Variants in ACSL3 observed in about 807,000 individuals in gnomAD.
ACSL3 encodes acyl-CoA synthetase long chain family member 3, also known as fatty acid CoA ligase Acsl3.
ACSL3 carries 34 observed loss-of-function variants against 84.7 expected under a neutral mutation model. The observed-to-expected ratio is 0.40, with a 90% CI of 0.31 to 0.53. The LOEUF (loss-of-function observed/expected upper bound fraction) is 0.53, where lower values mean the gene tolerates loss of function less well. Among genes scored for constraint, ACSL3 ranks in the 20% least tolerant of loss-of-function variants. The probability of loss-of-function intolerance (pLI) is 0.48; values close to 1 mark genes in which losing one functional copy is unlikely to be tolerated. For synonymous variants in ACSL3, 315 were observed against 299.4 expected, an observed-to-expected ratio of 1.05 and a Z score of -0.54; for missense variants, 680 against 873.1, an observed-to-expected ratio of 0.78 and a Z score of 2.79.
intron 1 of ACSL3, among the ~76,000 whole-genome samples, chr2:222,865,050 A>G (rs774196988): frequency 2.0e-5 from 3 of 152,186 alleles, no homozygotes; most frequent in Non-Finnish European, 4.4e-5. Flanking sequence ...ATATATTTTC[A>G]TCTGACTTTT....
At chr2:222,887,745 T>C (rs1033539890) in intron 1 of ACSL3, 85 bp from the exon 2 acceptor site, 1 of 152,194 alleles carries the variant, frequency 6.6e-6, no homozygotes, top group Non-Finnish European at 1.5e-5. Context: ...AGAAGTAAAA[T>C]AGTTCCAGGA....
At chr2:222,941,046 C>T (rs578084281) in intron 16 of ACSL3, among the ~76,000 whole-genome samples, 2 of 152,120 alleles carry the variant, frequency 1.3e-5, no homozygotes, top group Admixed American at 6.5e-5. Context: ...GTACTACAAG[C>T]GTATGCCACT....
At chr2:222,881,881 G>A (rs1311030277) in intron 1 of ACSL3, among the ~76,000 whole-genome samples, 3 of 152,192 alleles carry the variant, frequency 2.0e-5, no homozygotes, top group Admixed American at 2.0e-4. Flanking sequence ...GTTAAATATA[G>A]AGGATGGTAG....
At chr2:222,883,349 T>C (rs1436226921) in intron 1 of ACSL3, among the ~76,000 whole-genome samples, 1 of 152,018 alleles carries the variant, frequency 6.6e-6, no homozygotes, top group African/African-American at 2.4e-5. Flanking sequence ...TATGCCTGGC[T>C]AATTTTGTAT....
chr2:222,883,397 G>A (rs1008682000), intron 1 of ACSL3, among the ~76,000 whole-genome samples: 2 of 151,496 alleles, frequency 1.3e-5, no homozygotes, highest in Admixed American at 6.6e-5. Flanking sequence ...TGGTCATGCT[G>A]GTCTCGAACT....
intron 1 of ACSL3, among the ~76,000 whole-genome samples, chr2:222,885,852 C>T (rs1282382728): frequency 3.3e-5 from 5 of 152,012 alleles, no homozygotes; most frequent in Non-Finnish European, 5.9e-5. Flanking sequence ...AAGTGATTCT[C>T]CTGCCTCAGC....
At chr2:222,908,444 C>G (rs569263162) in intron 3 of ACSL3, among the ~76,000 whole-genome samples, 9 of 152,280 alleles carry the variant, frequency 5.9e-5, no homozygotes, top group Non-Finnish European at 1.2e-4. Context: ...TTCCCCCAAC[C>G]CTCTTTCTGA....
At chr2:222,866,256 C>G (rs1695136034) in intron 1 of ACSL3, among the ~76,000 whole-genome samples, 1 of 152,146 alleles carries the variant, frequency 6.6e-6, no homozygotes, top group African/African-American at 2.4e-5. Flanking sequence ...CGCCATTCTC[C>G]TGCCTCAGCC....
At chr2:222,872,013 A>G (rs1479193293) in intron 1 of ACSL3, among the ~76,000 whole-genome samples, 1 of 152,152 alleles carries the variant, frequency 6.6e-6, no homozygotes, top group Non-Finnish European at 1.5e-5. Context: ...AAAAAGATGT[A>G]TAATTCTAGG....
In ACSL3 at chr2:222,919,071, T is replaced by G. The variant is rs753763561; in HGVS notation, c.674T>G (p.Val225Gly). Residue 225 changes from valine (V) to glycine (G), a missense_variant, in exon 7 of 17, where the codon GTT becomes GGT. Val to Gly is a moderately radical substitution (Grantham distance 109). Around this residue, in one of 2 missense-constraint regions of ACSL3, gnomAD observed 333 missense variants for 347.5 expected, o/e 0.96. Transcript: ENST00000357430. ...ELLQTKLKDI[V>G]SLVPRLRHII... ...ATGTTGGTGTATTTCTAGGATATAG[T>G]TTCTTTGGTCCCACGCCTGCGGCAC... 5.0e-6 allele frequency: 8 copies of G among 1,613,430 alleles called. No homozygotes were observed. Among genetic ancestry groups the G allele is most frequent in the Non-Finnish European group, 5.9e-6 (7 of 1,179,750 alleles).
rs192016345 is a variant in ACSL3 at position 222,928,665 on chromosome 2, A to C, written c.1466-197A>C. 1.1e-3 allele frequency among the ~76,000 whole-genome samples: 174 copies of C among 152,162 alleles called. 2 individuals carry two copies. The East Asian group carries it at 0.023, about 20-fold the overall frequency. On this transcript the variant is annotated intron_variant, in intron 12 of 16. Transcript: ENST00000357430. ...CAATAACTAATTTAAAAAAAAAAAA[A>C]AAACCTCAATGTAGGCCAAAAAATA...
intron 3 of ACSL3, among the ~76,000 whole-genome samples, chr2:222,904,359 A>T (rs1031143780): frequency 6.6e-6 from 1 of 152,166 alleles, no homozygotes; most frequent in Non-Finnish European, 1.5e-5. Flanking sequence ...CTCCATTTCA[A>T]CCTTGGAGGC....
In ACSL3 at chr2:222,927,170, G is replaced by T; in HGVS notation, c.1446G>T (p.Gly482=). The change falls in exon 12 of 17, where the codon GGG becomes GGT. Residue 482 remains glycine (G), a synonymous_variant. Transcript: ENST00000357430. ...GATACGGGCTCACTGAATCTGCTGG[G>T]GCTGGAACAATTTCCGAAGGTAGTG... ...GQGYGLTESA[G]AGTISEVWDY... 6.2e-7 allele frequency: 1 copy of T among 1,613,568 alleles called. No homozygotes were observed.
intron 16 of ACSL3, among the ~76,000 whole-genome samples, chr2:222,940,293 A>G (rs1697268803): frequency 6.6e-6 from 1 of 152,184 alleles, no homozygotes. Flanking sequence ...TAATTTCTGA[A>G]GTAAATGTGC....
At chr2:222,919,303 T>A in intron 7 of ACSL3, 101 bp downstream of exon 7, 1 of 1,409,234 alleles carries the variant, frequency 7.1e-7, no homozygotes. Context: ...AAATGACACA[T>A]CAGTTTTCTA....
At chr2:222,875,427 C>A (rs1307059092) in intron 1 of ACSL3, among the ~76,000 whole-genome samples, 1 of 151,970 alleles carries the variant, frequency 6.6e-6, no homozygotes, top group Non-Finnish European at 1.5e-5. Flanking sequence ...CTGTGTAGTG[C>A]CAGTTGAAAT....
intron 2 of ACSL3, among the ~76,000 whole-genome samples, chr2:222,899,482 T>C (rs1696079900): frequency 6.6e-6 from 1 of 151,536 alleles, no homozygotes; most frequent in African/African-American, 2.4e-5. Flanking sequence ...CAAAAAAGAA[T>C]AAAAAAATAA....
intron 1 of ACSL3, among the ~76,000 whole-genome samples, chr2:222,878,678 T>C (rs896133389): frequency 2.0e-5 from 3 of 152,250 alleles, no homozygotes; most frequent in Non-Finnish European, 4.4e-5. Flanking sequence ...TCTAACAATA[T>C]AGTGAATCTC....
At chr2:222,900,332 A>G (rs1006336271) in intron 2 of ACSL3, among the ~76,000 whole-genome samples, 30 of 151,938 alleles carry the variant, frequency 2.0e-4, no homozygotes, top group African/African-American at 7.0e-4. Flanking sequence ...TCTCGGCCCC[A>G]TGGATTGGTT....
Sources: allele counts gnomAD v4.1 joint callset (sites outside exome capture counted in the v4.1 genomes callset), GRCh38; gene constraint gnomAD v4.1.1; regional missense constraint gnomAD v4.1.1; transcripts MANE v1.5; gene names NCBI Gene and HGNC (gene_info 2026-07-23, HGNC 2026-07-21).